Variants in LRRC4C observed in about 807,000 individuals in gnomAD.
The protein encoded by LRRC4C is leucine rich repeat containing 4C.
LRRC4C carries 5 observed loss-of-function variants against 33.6 expected under a neutral mutation model. The observed-to-expected ratio is 0.15, with a 90% CI of 0.08 to 0.31. The LOEUF (loss-of-function observed/expected upper bound fraction) is 0.31, where lower values mean the gene tolerates loss of function less well. Among genes scored for constraint, LRRC4C ranks in the 10% least tolerant of loss-of-function variants. The pLI, the probability that LRRC4C is intolerant of heterozygous loss-of-function variation, is 1.00. For synonymous variants in LRRC4C, 329 were observed against 302.0 expected (o/e 1.09, Z -0.93); for missense variants, 560 against 796.7 (o/e 0.70, Z 3.58).
At chr11:40,644,447 A>G (rs1942317676) in intron 3 of LRRC4C, among the ~76,000 whole-genome samples, 1 of 152,196 alleles carries the variant, frequency 6.6e-6, no homozygotes, top group South Asian at 2.1e-4. Flanking sequence ...ATAAAAACTT[A>G]TATTTACAAA....
At chr11:40,503,601 G>A (rs191231464) in intron 3 of LRRC4C, among the ~76,000 whole-genome samples, 10 of 152,178 alleles carry the variant, frequency 6.6e-5, no homozygotes, top group East Asian at 3.9e-4. Flanking sequence ...TTCTTAACTC[G>A]CTATCACAAT....
rs139164676 is a variant in LRRC4C at position 40,256,121 on chromosome 11, C to T, written c.-175-14523G>A. 3.3e-5 allele frequency among the ~76,000 whole-genome samples: 5 copies of T among 152,316 alleles called. No individual in the cohort carries two copies. In the East Asian group the frequency reaches 9.7e-4, roughly 29 times the overall value. The stretch of plus-strand genomic sequence containing the variant: ...TCCACTCATGCATTCTGCAGAGCAA[C>T]ATCTGCCAACTGACTATAAGGATTT... On this transcript the variant is annotated intron_variant, in intron 4 of 6. Coordinates refer to ENST00000528697, the MANE Select transcript of LRRC4C (RefSeq NM_001258419.2).
chr11:40,865,543 C>T (rs1320061508), intron 2 of LRRC4C, among the ~76,000 whole-genome samples: 1 of 149,464 alleles, frequency 6.7e-6, no homozygotes, highest in Admixed American at 6.7e-5. Context: ...AATTTCAAAA[C>T]ATCATGTTGT....
chr11:40,497,606 C>T lies in LRRC4C; in HGVS notation c.-270+150536G>A, dbSNP rs574622906. 2.6e-5 allele frequency among the ~76,000 whole-genome samples: 4 copies of T among 152,180 alleles called. No homozygotes were observed. In the East Asian group the frequency reaches 5.8e-4, roughly 22 times the overall value. On this transcript the variant is annotated intron_variant, in intron 3 of 6. Coordinates refer to ENST00000528697, the MANE Select transcript of LRRC4C (RefSeq NM_001258419.2). ...CAAAAGAAATGTGACCATGCTACAC[C>T]TTCATCACAAACTTTACAGCTGGAT...
chr11:40,967,310 G>A (rs190474207), intron 1 of LRRC4C, among the ~76,000 whole-genome samples: 1 of 151,966 alleles, frequency 6.6e-6, no homozygotes, highest in African/African-American at 2.4e-5. Context: ...TAAATAGTAG[G>A]CTTGAAAATA....
chr11:40,571,446 G>A (rs1287019148), intron 3 of LRRC4C, among the ~76,000 whole-genome samples: 1 of 152,098 alleles, frequency 6.6e-6, no homozygotes, highest in Admixed American at 6.6e-5. Flanking sequence ...ATAAATTGCA[G>A]TATGAAATAG....
At chr11:40,224,866 T>C (rs1038099553) in intron 5 of LRRC4C, among the ~76,000 whole-genome samples, 2 of 152,184 alleles carry the variant, frequency 1.3e-5, no homozygotes, top group African/African-American at 4.8e-5. Flanking sequence ...AGTTGAAATA[T>C]TTTCAAAAGT....
chr11:40,515,251 C>A (rs1293250374), intron 3 of LRRC4C, among the ~76,000 whole-genome samples: 1 of 151,928 alleles, frequency 6.6e-6, no homozygotes, highest in Non-Finnish European at 1.5e-5. Context: ...AGAAACTTAG[C>A]AATACTAAGC....
chr11:41,275,711 A>T (rs1347146465), intron 1 of LRRC4C, among the ~76,000 whole-genome samples: 1 of 152,186 alleles, frequency 6.6e-6, no homozygotes, highest in East Asian at 1.9e-4. Context: ...ACTGTTTGTT[A>T]TGGTAGAGAA....
At chr11:41,162,513 C>G (rs1234697343) in intron 1 of LRRC4C, among the ~76,000 whole-genome samples, 1 of 152,156 alleles carries the variant, frequency 6.6e-6, no homozygotes, top group African/African-American at 2.4e-5. Flanking sequence ...TGTATTTACA[C>G]AAACCTAGAT....
chr11:41,364,803 A>G (rs995843820), intron 1 of LRRC4C, among the ~76,000 whole-genome samples: 3 of 152,120 alleles, frequency 2.0e-5, no homozygotes, highest in Non-Finnish European at 4.4e-5. Flanking sequence ...AGTTTTTCCC[A>G]CCTAGACATA....
intron 3 of LRRC4C, among the ~76,000 whole-genome samples, chr11:40,509,934 C>T (rs188541784): frequency 7.2e-5 from 11 of 152,116 alleles, no homozygotes; most frequent in Admixed American, 3.3e-4. Context: ...TCCATGGCAG[C>T]GGAGGGAGGC....
intron 4 of LRRC4C, among the ~76,000 whole-genome samples, chr11:40,285,550 C>A (rs1413080107): frequency 6.6e-6 from 1 of 152,154 alleles, no homozygotes; most frequent in East Asian, 1.9e-4. Flanking sequence ...TAACATTTTG[C>A]AAAATCTTTC....
At chr11:40,133,279 C>A (rs1036763007) in intron 6 of LRRC4C, among the ~76,000 whole-genome samples, 8 of 152,052 alleles carry the variant, frequency 5.3e-5, no homozygotes, top group African/African-American at 1.9e-4. Flanking sequence ...TTATAATGAG[C>A]AATGCAATTT....
chr11:40,885,393 A>T (rs192265946), intron 2 of LRRC4C, among the ~76,000 whole-genome samples: 1 of 152,204 alleles, frequency 6.6e-6, no homozygotes. Flanking sequence ...ACCAGGCCAC[A>T]CCCACTGTAT....
At chr11:40,176,044 C>T (rs1860454987) in intron 5 of LRRC4C, among the ~76,000 whole-genome samples, 1 of 151,962 alleles carries the variant, frequency 6.6e-6, no homozygotes. Flanking sequence ...GATACAAGAG[C>T]TATTCCAGCA....
At chr11:40,922,341 A>G (rs1395599655) in intron 2 of LRRC4C, among the ~76,000 whole-genome samples, 1 of 152,212 alleles carries the variant, frequency 6.6e-6, no homozygotes, top group African/African-American at 2.4e-5. Flanking sequence ...CTGAAGTAAC[A>G]TTAAATAAGT....
At chr11:40,148,334 C>T (rs1857912851) in intron 5 of LRRC4C, among the ~76,000 whole-genome samples, 1 of 152,188 alleles carries the variant, frequency 6.6e-6, no homozygotes, top group Non-Finnish European at 1.5e-5. Flanking sequence ...TCCACAACCT[C>T]ACTGACATCT....
At chr11:40,473,955 A>G (rs1953073235) in intron 3 of LRRC4C, among the ~76,000 whole-genome samples, 1 of 152,206 alleles carries the variant, frequency 6.6e-6, no homozygotes, top group African/African-American at 2.4e-5. Flanking sequence ...ATAAGAGAGG[A>G]CACAAACAAA....
Sources: gnomAD v4.1 joint callset for allele counts (sites outside exome capture counted in the v4.1 genomes callset) on GRCh38, gnomAD v4.1.1 for gene constraint, MANE v1.5 for transcripts, NCBI Gene and HGNC (gene_info 2026-07-23, HGNC 2026-07-21) for gene names.